The following RBFOX1 variants were observed in gnomAD, a reference collection of about 807,000 sequenced individuals.
RBFOX1 encodes the protein RNA binding fox-1 homolog 1, also known as RNA binding protein fox-1 homolog 1.
A neutral mutation model predicts 57.7 loss-of-function variants in RBFOX1; 8 were observed. The observed-to-expected ratio is 0.14, with a 90% CI of 0.08 to 0.25. The LOEUF is 0.25. Among genes scored for constraint, RBFOX1 ranks in the 10% least tolerant of loss-of-function variants. RBFOX1 has a pLI of 1.00. For synonymous variants in RBFOX1, 326 were observed against 222.4 expected, an observed-to-expected ratio of 1.47 and a Z score of -4.15; for missense variants, 611 against 548.5, an observed-to-expected ratio of 1.11 and a Z score of -1.14.
At chr16:5,485,207 G>A (rs555858689) in intron 2 of RBFOX1, among the ~76,000 whole-genome samples, 4 of 151,954 alleles carry the variant, frequency 2.6e-5, no homozygotes, top group African/African-American at 9.6e-5. Context: ...TTAGCCTGGC[G>A]TAGTGGCAGG....
At chr16:6,307,755 A>T (rs912900543) in intron 1 of RBFOX1, among the ~76,000 whole-genome samples, 1 of 146,816 alleles carries the variant, frequency 6.8e-6, no homozygotes, top group African/African-American at 2.5e-5. Flanking sequence ...TTTATACATG[A>T]TGATTGTTTA....
Position 7,567,269 on chromosome 16 carries a change from A to ATATATATCCC in RBFOX1, c.271-12501_271-12500insCCCTATATAT, listed in dbSNP as rs1567864926. The stretch of plus-strand genomic sequence containing the variant: ...TATATCCCTATATATATATATCCCT[A>ATATATATCCC]TATATATATCCCTATATATCCTTAT... On this transcript the variant is annotated intron_variant, in intron 5 of 15. Transcript: ENST00000550418. 1.5e-3 allele frequency among the ~76,000 whole-genome samples: 102 copies of ATATATATCCC among 67,752 alleles called. 2 individuals carry two copies. The highest frequency in any genetic ancestry group is 1.9e-3 in the Non-Finnish European group (64 of 33,862). 44.4% of individuals were successfully genotyped at this position (67,752 alleles called of 152,430 possible).
intron 3 of RBFOX1, among the ~76,000 whole-genome samples, chr16:6,976,229 C>T (rs59137888): frequency 0.11 from 16,356 of 152,156 alleles, 1,119 homozygotes; most frequent in East Asian, 0.26. Flanking sequence ...CTAATTATTA[C>T]ATAGGGGAAA....
chr16:7,490,619 C>G lies in RBFOX1; in HGVS notation c.28-27528C>G, dbSNP rs537087833. On this transcript the variant is annotated intron_variant, in intron 4 of 15. Coordinates refer to ENST00000550418, the MANE Select transcript of RBFOX1 (RefSeq NM_018723.4). ...CCACATTAACTTGGGTTAGCAAATT[C>G]TACTTTGTGGAAGGAACCATGAGGA... is the stretch of plus-strand genomic sequence containing the variant. Among the ~76,000 whole-genome samples, 5 of 152,304 alleles carry G rather than the reference C, an allele frequency of 3.3e-5. No homozygotes were observed. The East Asian group carries it at 9.7e-4, about 29-fold the overall frequency.
chr16:7,697,596 G>T (rs1202378958), intron 14 of RBFOX1, among the ~76,000 whole-genome samples: 1 of 152,062 alleles, frequency 6.6e-6, no homozygotes, highest in East Asian at 1.9e-4. Flanking sequence ...AGTTCAACGA[G>T]GTGTTATCCC....
chr16:6,727,102 A>G (rs1243522555), intron 3 of RBFOX1, among the ~76,000 whole-genome samples: 2 of 63,600 alleles, frequency 3.1e-5, no homozygotes, highest in Non-Finnish European at 7.1e-5. Context: ...ACACAGACAC[A>G]CATAAATATA....
At chr16:6,577,716 G>A (rs2097461940) in intron 2 of RBFOX1, among the ~76,000 whole-genome samples, 1 of 152,172 alleles carries the variant, frequency 6.6e-6, no homozygotes, top group Admixed American at 6.5e-5. Flanking sequence ...TGGTAGTCAA[G>A]TGCTTTGACA....
chr16:5,768,015 G>T (rs2053847428), intron 3 of RBFOX1, among the ~76,000 whole-genome samples: 3 of 152,154 alleles, frequency 2.0e-5, no homozygotes, highest in Admixed American at 1.3e-4. Context: ...CAGAATGAAT[G>T]TATAGCTCAC....
intron 1 of RBFOX1, among the ~76,000 whole-genome samples, chr16:6,215,739 T>C (rs1490454897): frequency 1.3e-5 from 2 of 152,126 alleles, no homozygotes; most frequent in Non-Finnish European, 2.9e-5. Flanking sequence ...ATTCCCTAGG[T>C]GCACACAGCT....
intron 4 of RBFOX1, among the ~76,000 whole-genome samples, chr16:7,082,024 G>C (rs960098424): frequency 6.6e-6 from 1 of 152,172 alleles, no homozygotes; most frequent in African/African-American, 2.4e-5. Flanking sequence ...TGGAAGAAGC[G>C]ATTGAATTCC....
intron 4 of RBFOX1, among the ~76,000 whole-genome samples, chr16:7,258,445 A>G (rs2094784966): frequency 6.6e-6 from 1 of 152,110 alleles, no homozygotes; most frequent in African/African-American, 2.4e-5. Context: ...TGCCTGTTTC[A>G]TCTTCTATAT....
intron 4 of RBFOX1, among the ~76,000 whole-genome samples, chr16:7,441,444 A>G (rs1315816500): frequency 6.6e-6 from 1 of 152,202 alleles, no homozygotes; most frequent in Non-Finnish European, 1.5e-5. Flanking sequence ...AAGAGCAGAG[A>G]TGGGACTCTA....
At chr16:7,168,498 G>C (rs1346540866) in intron 4 of RBFOX1, among the ~76,000 whole-genome samples, 1 of 152,054 alleles carries the variant, frequency 6.6e-6, no homozygotes, top group African/African-American at 2.4e-5. Flanking sequence ...CTAATTATAA[G>C]CATCATTTGG....
chr16:7,393,868 T>G (rs2098089855), intron 4 of RBFOX1, among the ~76,000 whole-genome samples: 2 of 152,072 alleles, frequency 1.3e-5, no homozygotes, highest in African/African-American at 4.8e-5. Context: ...TGTCAGCAGT[T>G]AGCTGCAAAC....
chr16:7,694,140 C>T (rs536746728), intron 14 of RBFOX1, among the ~76,000 whole-genome samples: 21 of 152,230 alleles, frequency 1.4e-4, no homozygotes, highest in African/African-American at 3.6e-4. Flanking sequence ...TTCCTTTTGT[C>T]GTTTTTAAGC....
chr16:7,311,567 C>T (rs957926486), intron 4 of RBFOX1, among the ~76,000 whole-genome samples: 10 of 148,980 alleles, frequency 6.7e-5, no homozygotes, highest in Non-Finnish European at 1.3e-4. Context: ...AACAAACATC[C>T]CCGGTTTTTC....
At chr16:6,269,563 G>A (rs1378388885) in intron 1 of RBFOX1, among the ~76,000 whole-genome samples, 4 of 152,186 alleles carry the variant, frequency 2.6e-5, no homozygotes, top group African/African-American at 4.8e-5. Flanking sequence ...AGAAGCCACA[G>A]AGTCAAATAA....
In RBFOX1 at chr16:7,556,727, A is replaced by G. The variant is rs116606238; in HGVS notation, c.271-23050A>G. Among the ~76,000 whole-genome samples the G allele has an allele frequency of 6.0e-3, 919 of 152,284 alleles. 13 individuals carry two copies. Among genetic ancestry groups the G allele is most frequent in the African/African-American group, 0.021 (865 of 41,554 alleles). On this transcript the variant is annotated intron_variant, in intron 5 of 15. Transcript: ENST00000550418. ...TTCTTAGGCTTTAATTTCCTCATCT[A>G]TAAAATGGGCATAATTTTACCACCA...
In RBFOX1 at chr16:6,775,792, G is replaced by T. The variant is rs543717319; in HGVS notation, c.-16+121142G>T. Reference sequence around the variant, plus strand: ...GGAACAAGCATGTGAACAAATGCGTGAACCACAGTCAGTCTCTGAATGGAA... The same window carrying T: ...GGAACAAGCATGTGAACAAATGCGTTAACCACAGTCAGTCTCTGAATGGAA... On this transcript the variant is annotated intron_variant, in intron 3 of 15. Transcript: ENST00000550418. 4.6e-5 allele frequency: 7 copies of T among 152,320 alleles called. No individual in the cohort carries two copies. In the East Asian group the frequency reaches 1.4e-3, roughly 29 times the overall value. 9.4% of individuals were successfully genotyped at this position (152,320 alleles called of 1,614,324 possible).
Sources: allele counts gnomAD v4.1 joint callset (sites outside exome capture counted in the v4.1 genomes callset), GRCh38; gene constraint gnomAD v4.1.1; transcripts MANE v1.5; gene names NCBI Gene and HGNC (gene_info 2026-07-23, HGNC 2026-07-21).